SRRM4: variants seen among roughly 807,000 people sequenced by gnomAD.
SRRM4 encodes the protein serine/arginine repetitive matrix protein 4.
SRRM4 carries 33 observed loss-of-function variants against 68.9 expected under a neutral mutation model. The ratio of observed to expected loss-of-function variants is 0.48; its 90% CI spans 0.36 to 0.64. SRRM4 has a LOEUF of 0.64. Among genes scored for constraint, SRRM4 ranks in the 30% least tolerant of loss-of-function variants. The probability of loss-of-function intolerance (pLI) is 0.00; values close to 1 mark genes in which losing one functional copy is unlikely to be tolerated. For synonymous variants in SRRM4, 318 were observed against 318.8 expected (o/e 1.00, Z 0.03); for missense variants, 817 against 827.1 (o/e 0.99, Z 0.15).
At chr12:119,102,013 C>T (rs1337643976) in intron 1 of SRRM4, among the ~76,000 whole-genome samples, 1 of 152,130 alleles carries the variant, frequency 6.6e-6, no homozygotes, top group Non-Finnish European at 1.5e-5. Context: ...GTCGCTATGA[C>T]AGAGGAAGGG....
At chr12:119,042,608 A>G (rs1285974840) in intron 1 of SRRM4, among the ~76,000 whole-genome samples, 1 of 151,434 alleles carries the variant, frequency 6.6e-6, no homozygotes, top group Non-Finnish European at 1.5e-5. Context: ...AGGTGAAAAG[A>G]GGAGATAGCA....
In SRRM4 at chr12:119,020,335, GCCT is replaced by G. The variant is rs200404403; in HGVS notation, c.131+38327_131+38329del. 9.6e-3 allele frequency among the ~76,000 whole-genome samples: 1,459 copies of G among 152,230 alleles called. 30 individuals carry two copies. Among genetic ancestry groups the G allele is most frequent in the African/African-American group, 0.034 (1,395 of 41,528 alleles). The stretch of plus-strand genomic sequence containing the variant: ...CCAACATACACAGACCCTCTCACCT[GCCT>G]CCTCATTAAATAGCCCATTGATTAT... On this transcript the variant is annotated intron_variant, in intron 1 of 12. Coordinates refer to ENST00000267260, the MANE Select transcript of SRRM4 (RefSeq NM_194286.4).
At chr12:119,021,737 T>C (rs1953517122) in intron 1 of SRRM4, among the ~76,000 whole-genome samples, 1 of 152,226 alleles carries the variant, frequency 6.6e-6, no homozygotes, top group Non-Finnish European at 1.5e-5. Flanking sequence ...ACTTCATCCA[T>C]GTCTCTGCCA....
chr12:119,134,605 G>T (rs2136059865), intron 8 of SRRM4, among the ~76,000 whole-genome samples: 1 of 152,216 alleles, frequency 6.6e-6, no homozygotes, highest in East Asian at 1.9e-4. Flanking sequence ...CCCAACCCCA[G>T]TCAACCTAGC....
Position 119,154,295 on chromosome 12 carries a change from C to G in SRRM4, c.1444C>G (p.Arg482Gly), listed in dbSNP as rs1245796924. The G allele has an allele frequency of 1.2e-6, 2 of 1,611,432 alleles. No homozygotes were observed. Among genetic ancestry groups the G allele is most frequent in the African/African-American group, 1.3e-5 (1 of 75,042 alleles). ...EKDSQQRERERARRRRRSYSP... is the reference protein window; with the variant it reads ...EKDSQQREREGARRRRRSYSP... ...GGACTCGCAGCAGCGGGAGCGCGAG[C>G]GAGCGCGTCGGAGACGTCGGTCCTA... is the stretch of plus-strand genomic sequence containing the variant. The change falls in exon 12 of 13, where the codon CGA becomes GGA. Residue 482 changes from arginine to glycine, a missense_variant. Arg to Gly is a moderately radical substitution (Grantham distance 125). Coordinates refer to ENST00000267260, the MANE Select transcript of SRRM4 (RefSeq NM_194286.4). This position sits in a 1 kb window ranked among gnomAD's most constrained non-coding sequence, Gnocchi z 4.7.
intron 1 of SRRM4, among the ~76,000 whole-genome samples, chr12:119,024,114 T>G (rs1161933743): frequency 1.3e-5 from 2 of 152,184 alleles, no homozygotes; most frequent in Admixed American, 6.5e-5. Context: ...ACTGTTTGAC[T>G]TTCTCTCTTG....
intron 6 of SRRM4, among the ~76,000 whole-genome samples, chr12:119,124,014 G>C (rs1954241255): frequency 6.6e-6 from 1 of 152,200 alleles, no homozygotes; most frequent in South Asian, 2.1e-4. Flanking sequence ...AACCATTCCA[G>C]GCTGCAAGTT....
intron 1 of SRRM4, among the ~76,000 whole-genome samples, chr12:119,039,915 C>A (rs951513594): frequency 2.0e-5 from 3 of 152,164 alleles, no homozygotes; most frequent in African/African-American, 7.2e-5. Context: ...AGGTGAAGCA[C>A]ACGCACTGCC....
At chr12:119,016,007 G>A (rs1953478782) in intron 1 of SRRM4, among the ~76,000 whole-genome samples, 1 of 151,902 alleles carries the variant, frequency 6.6e-6, no homozygotes, top group South Asian at 2.1e-4. Flanking sequence ...CATTAGTTAA[G>A]ATGAGGTCAC....
intron 7 of SRRM4, among the ~76,000 whole-genome samples, chr12:119,125,791 G>A (rs1308553171): frequency 1.3e-5 from 2 of 151,750 alleles, no homozygotes; most frequent in Admixed American, 6.6e-5. Flanking sequence ...CGTAGTGGTG[G>A]GCACCTTTAA....
At chr12:119,078,208 GA>G (rs1359542275) in intron 1 of SRRM4, among the ~76,000 whole-genome samples, 4 of 152,140 alleles carry the variant, frequency 2.6e-5, no homozygotes, top group Admixed American at 2.6e-4. Context: ...TCTATAAAAG[GA>G]ATCATTGAGG....
chr12:119,119,320 G>A (rs1488065814), intron 4 of SRRM4, among the ~76,000 whole-genome samples: 1 of 151,724 alleles, frequency 6.6e-6, no homozygotes, highest in Non-Finnish European at 1.5e-5. Flanking sequence ...AGGATTCTGA[G>A]TCCCAGAAAA....
intron 1 of SRRM4, among the ~76,000 whole-genome samples, chr12:119,016,584 A>G (rs142636149): frequency 6.6e-6 from 1 of 152,246 alleles, no homozygotes; most frequent in Non-Finnish European, 1.5e-5. Context: ...CAGGAGACTC[A>G]AATACAAATT....
At chr12:119,135,406 A>G (rs140887107) in intron 8 of SRRM4, among the ~76,000 whole-genome samples, 16 of 152,332 alleles carry the variant, frequency 1.1e-4, no homozygotes, top group African/African-American at 3.6e-4. Context: ...AAAAACCTGT[A>G]CAAATGTCGA....
chr12:119,014,912 T>G (rs376391090), intron 1 of SRRM4, among the ~76,000 whole-genome samples: 5 of 152,292 alleles, frequency 3.3e-5, no homozygotes, highest in South Asian at 4.1e-4. Flanking sequence ...CAAATGCTGT[T>G]CAAGAAATTT....
In SRRM4 at chr12:118,981,757, C is replaced by G; in HGVS notation, c.-126C>G. 1 of 1,096,750 alleles carries G rather than the reference C, an allele frequency of 9.1e-7. No individual in the cohort carries two copies. Among genetic ancestry groups the G allele is most frequent in the South Asian group, 1.7e-5 (1 of 60,538 alleles). The allele number at this position is 1,096,750 out of a possible 1,614,324, so 67.9% of individuals were successfully genotyped here. A position where few individuals can be genotyped will look rare whatever the true frequency, so the allele number is the denominator to read the frequency against. On this transcript the variant is annotated 5_prime_UTR_variant, in exon 1 of 13. Transcript: ENST00000267260. ...CATCCCCCGCCCTGAACTCCGATCT[C>G]TCCCACCCCACCCCTCTCTGGGTTT...
chr12:119,081,486 A>G (rs188509307), intron 1 of SRRM4, among the ~76,000 whole-genome samples: 6 of 152,318 alleles, frequency 3.9e-5, no homozygotes, highest in Admixed American at 2.6e-4. Flanking sequence ...GTGGGACCAG[A>G]GTGGAGAGAA....
chr12:119,120,265 G>C lies in SRRM4; in HGVS notation c.453G>C (p.Lys151Asn), dbSNP rs1020707979. 5 of 1,549,192 alleles carry C rather than the reference G, an allele frequency of 3.2e-6. No individual in the cohort carries two copies. The highest frequency in any genetic ancestry group is 3.5e-6 in the Non-Finnish European group (4 of 1,146,216). The change falls in exon 5 of 13, where the codon AAG (lysine) becomes AAC (asparagine). Residue 151 changes from lysine (K) to asparagine (N), a missense_variant. Lys to Asn is a moderately conservative substitution (Grantham distance 94). Transcript: ENST00000267260. Reference sequence around the variant, plus strand: ...TTCTTTTCAGGTCATTCTCCAAGAAGAGAAGGCACAGGTAAGACTCTTGTT... The same window carrying C: ...TTCTTTTCAGGTCATTCTCCAAGAACAGAAGGCACAGGTAAGACTCTTGTT... ...KHKRRRSFSKKRRHSSSSPKS... is the reference protein window; with the variant it reads ...KHKRRRSFSKNRRHSSSSPKS...
chr12:118,997,331 G>A (rs935156862), intron 1 of SRRM4, among the ~76,000 whole-genome samples: 2 of 152,218 alleles, frequency 1.3e-5, no homozygotes, highest in Admixed American at 6.5e-5. Flanking sequence ...CAAGCCCAGT[G>A]AGGTTGTTGT....
Sources: gnomAD v4.1 joint callset for allele counts (sites outside exome capture counted in the v4.1 genomes callset) on GRCh38, gnomAD v4.1.1 for gene constraint, Gnocchi (gnomAD v3.1) non-coding constraint, MANE v1.5 for transcripts, NCBI Gene and HGNC (gene_info 2026-07-23, HGNC 2026-07-21) for gene names.